The following LRMDA variants were observed in gnomAD, a reference collection of about 807,000 sequenced individuals.
The protein encoded by LRMDA is leucine-rich melanocyte differentiation-associated protein.
Under a neutral mutation model 29.8 loss-of-function variants are expected in LRMDA, and 18 were observed. The observed-to-expected ratio is 0.60, with a 90% CI of 0.42 to 0.90. The LOEUF is 0.90. Ranked by LOEUF, LRMDA falls within the 40% of genes least tolerant of loss-of-function variation. The pLI, the probability that LRMDA is intolerant of heterozygous loss-of-function variation, is 0.00. For synonymous variants in LRMDA, 125 were observed against 109.4 expected, an observed-to-expected ratio of 1.14 and a Z score of -0.89; for missense variants, 273 against 273.9, an observed-to-expected ratio of 1.00 and a Z score of 0.02.
In LRMDA at chr10:76,353,732, G is replaced by T. The variant is rs1160910073; in HGVS notation, c.601+29247G>T. Among the ~76,000 whole-genome samples the T allele has an allele frequency of 3.1e-4, 47 of 152,110 alleles. 1 individual carries two copies. The highest frequency in any genetic ancestry group is 3.1e-3 in the Admixed American group (47 of 15,264). On this transcript the variant is annotated intron_variant, in intron 6 of 6. Coordinates refer to ENST00000611255, the MANE Select transcript of LRMDA (RefSeq NM_001305581.2). The stretch of plus-strand genomic sequence containing the variant: ...TTCTTTAGGCTGCTTTCCTGCTCCA[G>T]ATGAAAGCTCATTCCAGGTGCTGGC...
At chr10:75,707,557 C>G (rs1043593664) in intron 2 of LRMDA, among the ~76,000 whole-genome samples, 1 of 152,190 alleles carries the variant, frequency 6.6e-6, no homozygotes, top group Admixed American at 6.5e-5. Context: ...CAGGGAGACC[C>G]AGGGAGGGCT....
At chr10:76,260,889 C>T (rs987305058) in intron 5 of LRMDA, 1 of 152,196 alleles carries the variant, frequency 6.6e-6, no homozygotes, top group African/African-American at 2.4e-5. Context: ...GTATAGGTAC[C>T]ACTGAAGTGA....
intron 2 of LRMDA, among the ~76,000 whole-genome samples, chr10:75,484,658 A>G (rs1189939641): frequency 6.6e-6 from 1 of 152,216 alleles, no homozygotes; most frequent in Non-Finnish European, 1.5e-5. Context: ...ATGAGGTCAC[A>G]AGGGTGGGGC....
chr10:75,739,211 G>A (rs1032183777), intron 2 of LRMDA, among the ~76,000 whole-genome samples: 12 of 152,218 alleles, frequency 7.9e-5, no homozygotes, highest in Non-Finnish European at 1.5e-4. Flanking sequence ...AGAAATTGGT[G>A]TTGTACTAAG....
At chr10:75,669,186 C>T (rs1421625809) in intron 2 of LRMDA, among the ~76,000 whole-genome samples, 1 of 152,160 alleles carries the variant, frequency 6.6e-6, no homozygotes, top group African/African-American at 2.4e-5. Flanking sequence ...TTGGTGTCAC[C>T]CTCGTTCCTG....
intron 2 of LRMDA, among the ~76,000 whole-genome samples, chr10:75,483,783 A>G (rs1844878471): frequency 6.6e-6 from 1 of 151,808 alleles, no homozygotes; most frequent in East Asian, 1.9e-4. Flanking sequence ...ATTGTATCAT[A>G]TGAAAAAAAT....
intron 2 of LRMDA, among the ~76,000 whole-genome samples, chr10:75,713,522 T>G (rs1432932652): frequency 6.6e-6 from 1 of 152,234 alleles, no homozygotes; most frequent in Admixed American, 6.5e-5. Flanking sequence ...TAAGAATTAG[T>G]GTTTTTAAAA....
rs544791758 is a variant in LRMDA at position 75,442,937 on chromosome 10, A to G, written c.131+4443A>G. On this transcript the variant is annotated intron_variant, in intron 2 of 6. Coordinates refer to ENST00000611255, the MANE Select transcript of LRMDA (RefSeq NM_001305581.2). ...CTTTTACCTCTTTGGTTAAATTTATAGGAATAAATTTTATTCCTATAAAAT... is the reference window on the plus strand; with the variant it reads ...CTTTTACCTCTTTGGTTAAATTTATGGGAATAAATTTTATTCCTATAAAAT... 2.0e-5 allele frequency among the ~76,000 whole-genome samples: 3 copies of G among 152,148 alleles called. No individual in the cohort carries two copies. The South Asian group carries it at 6.2e-4, about 32-fold the overall frequency.
chr10:76,187,977 A>G (rs1167367493), intron 5 of LRMDA, among the ~76,000 whole-genome samples: 4 of 152,112 alleles, frequency 2.6e-5, no homozygotes, highest in Non-Finnish European at 5.9e-5. Context: ...GGAGTGGTTA[A>G]TGGCAATTGA....
At chr10:75,534,838 T>C (rs1839928152) in intron 2 of LRMDA, among the ~76,000 whole-genome samples, 1 of 152,196 alleles carries the variant, frequency 6.6e-6, no homozygotes, top group Admixed American at 6.5e-5. Flanking sequence ...TCCTCCCCTT[T>C]TAAGCCTAAT....
chr10:76,234,072 C>T (rs1456044455), intron 5 of LRMDA, among the ~76,000 whole-genome samples: 1 of 152,266 alleles, frequency 6.6e-6, no homozygotes, highest in East Asian at 1.9e-4. Flanking sequence ...TCTATGGCAG[C>T]GATAGCCTTA....
intron 5 of LRMDA, among the ~76,000 whole-genome samples, chr10:76,156,579 G>T (rs960576461): frequency 1.3e-5 from 2 of 152,024 alleles, no homozygotes; most frequent in South Asian, 2.1e-4. Flanking sequence ...AAAAATATGG[G>T]CTTAACCAAC....
chr10:76,544,201 T>G (rs747940498), intron 6 of LRMDA, among the ~76,000 whole-genome samples: 2 of 152,196 alleles, frequency 1.3e-5, no homozygotes, highest in Non-Finnish European at 2.9e-5. Context: ...TTGCCGAATG[T>G]GGCTTAGAGC....
chr10:76,251,619 G>A (rs1852486175), intron 5 of LRMDA, among the ~76,000 whole-genome samples: 1 of 152,136 alleles, frequency 6.6e-6, no homozygotes, highest in South Asian at 2.1e-4. Context: ...CTATCATAGC[G>A]GTGTGAGTAT....
intron 6 of LRMDA, among the ~76,000 whole-genome samples, chr10:76,366,577 G>C (rs1338154917): frequency 6.6e-6 from 1 of 152,154 alleles, no homozygotes; most frequent in Non-Finnish European, 1.5e-5. Flanking sequence ...GTATAGAAGA[G>C]CTATTGATTT....
Position 75,860,598 on chromosome 10 carries a change from A to G in LRMDA, c.132-175410A>G, listed in dbSNP as rs1200631230. On this transcript the variant is annotated intron_variant, in intron 2 of 6. Transcript: ENST00000611255. Reference sequence around the variant, plus strand: ...CGGCCTCCCAAAGTGCCGGGGTTACAAGCATGAGCCACCACACCTGGCACA... The same window carrying G: ...CGGCCTCCCAAAGTGCCGGGGTTACGAGCATGAGCCACCACACCTGGCACA... Among the ~76,000 whole-genome samples the G allele has an allele frequency of 2.0e-5, 3 of 152,262 alleles. No homozygotes were observed. In the East Asian group the frequency reaches 5.8e-4, roughly 29 times the overall value.
chr10:76,238,168 T>C (rs1439933070), intron 5 of LRMDA, among the ~76,000 whole-genome samples: 2 of 152,120 alleles, frequency 1.3e-5, no homozygotes, highest in African/African-American at 4.8e-5. Flanking sequence ...CAGAGAGGCC[T>C]AATAAATAGT....
intron 4 of LRMDA, among the ~76,000 whole-genome samples, chr10:76,054,654 G>A (rs572789357): frequency 1.3e-5 from 2 of 151,470 alleles, no homozygotes; most frequent in East Asian, 2.0e-4. Context: ...CTCCCTGCAC[G>A]TCACTCCTGA....
At chr10:76,345,214 C>T (rs1841090487) in intron 6 of LRMDA, among the ~76,000 whole-genome samples, 1 of 149,826 alleles carries the variant, frequency 6.7e-6, no homozygotes, top group African/African-American at 2.4e-5. Flanking sequence ...CTACAGGCGC[C>T]CGCTACCACG....
Sources: allele counts gnomAD v4.1 joint callset (sites outside exome capture counted in the v4.1 genomes callset), GRCh38; gene constraint gnomAD v4.1.1; transcripts MANE v1.5; gene names NCBI Gene and HGNC (gene_info 2026-07-23, HGNC 2026-07-21).